The following MVB12B variants were observed in gnomAD, a reference collection of about 807,000 sequenced individuals.
The protein encoded by MVB12B is ESCRT-I complex subunit MVB12B.
In MVB12B, 16 loss-of-function variants were observed where a neutral mutation model predicts 41.6. The observed-to-expected ratio is 0.38, with a 90% CI of 0.26 to 0.58. MVB12B has a LOEUF of 0.58. Among genes scored for constraint, MVB12B ranks in the 20% least tolerant of loss-of-function variants. The pLI is 0.62. For missense variants in MVB12B, 274 were observed against 380.2 expected, an observed-to-expected ratio of 0.72 and a Z score of 2.32; for synonymous variants, 133 against 139.7, an observed-to-expected ratio of 0.95 and a Z score of 0.34.
At position 126,386,733 on chromosome 9, in the gene MVB12B, T is replaced by C; in HGVS notation, c.409+75T>C. The C allele has an allele frequency of 2.7e-6, 3 of 1,131,998 alleles. No homozygotes were observed. Among genetic ancestry groups the C allele is most frequent in the Non-Finnish European group, 3.9e-6 (3 of 760,700 alleles). The allele number at this position is 1,131,998 out of a possible 1,614,324, so 70.1% of individuals were successfully genotyped here. On this transcript the variant is annotated intron_variant, in intron 4 of 9. Transcript: ENST00000361171. The surrounding 1 kb of genome is among the most constrained non-coding windows in gnomAD (Gnocchi z 4.3). ...AGGTATATTTGTAGGTGTTTTTCTA[T>C]GTGCATTTTTCTTCAGAAACACTTT... is the stretch of plus-strand genomic sequence containing the variant.
intron 7 of MVB12B, among the ~76,000 whole-genome samples, chr9:126,448,752 T>C (rs1239797674): frequency 1.3e-5 from 2 of 151,694 alleles, no homozygotes; most frequent in Non-Finnish European, 2.9e-5. Flanking sequence ...GGGCAAGAAC[T>C]CACTTATTAC....
At chr9:126,413,891 CTA>C (rs140238252) in intron 6 of MVB12B, among the ~76,000 whole-genome samples, 9,086 of 150,136 alleles carry the variant, frequency 0.061, 306 homozygotes, top group Middle Eastern at 0.11. Context: ...GTGCCTCTGA[CTA>C]TGAGTGCGCC....
chr9:126,404,701 C>T (rs1040065368), intron 6 of MVB12B, among the ~76,000 whole-genome samples: 16 of 152,350 alleles, frequency 1.1e-4, no homozygotes, highest in African/African-American at 3.4e-4. Context: ...GCACTGTGGT[C>T]GCCGACTGAG....
intron 7 of MVB12B, among the ~76,000 whole-genome samples, chr9:126,426,512 C>T (rs1156833182): frequency 6.6e-6 from 1 of 152,126 alleles, no homozygotes; most frequent in Non-Finnish European, 1.5e-5. Context: ...TGTTACTTTT[C>T]TTAAGAACAT....
rs1323765735 is a variant in MVB12B, at chr9:126,376,194, T to C, written c.205-4870T>C. Among the ~76,000 whole-genome samples, 1 of 152,182 alleles carries C rather than the reference T, an allele frequency of 6.6e-6. No individual in the cohort carries two copies. The highest frequency in any genetic ancestry group is 1.5e-5 in the Non-Finnish European group (1 of 68,022). ...CCAGTGTTTACAGTTTCTAATCTCT[T>C]TATATTGTCCTCAAATTGTTCCTTT... On this transcript the variant is annotated intron_variant, in intron 2 of 9. Transcript: ENST00000361171. The surrounding 1 kb of genome is among the most constrained non-coding windows in gnomAD (Gnocchi z 4.1).
rs1258209740 is a variant in MVB12B, at chr9:126,326,844, G to GCCC, written c.-85_-84insCCC. On this transcript the variant is annotated 5_prime_UTR_variant, in exon 1 of 10. Coordinates refer to ENST00000361171, the MANE Select transcript of MVB12B (RefSeq NM_033446.3). ...CTCCGCCGCCGCCGCCGCCGCCGCC[G>GCCC]CTCTCGGTGAGGCTCGCGCTCGAGC... The GCCC allele has an allele frequency of 2.0e-4, 29 of 147,678 alleles. No homozygotes were observed. The highest frequency in any genetic ancestry group is 6.5e-4 in the African/African-American group (26 of 40,022). 9.1% of individuals were successfully genotyped at this position (147,678 alleles called of 1,614,324 possible).
chr9:126,497,539 C>G (rs1271635594), intron 9 of MVB12B, among the ~76,000 whole-genome samples: 3 of 152,262 alleles, frequency 2.0e-5, no homozygotes, highest in African/African-American at 7.2e-5. Context: ...CTCGGCTCCC[C>G]ACTCCTGACC....
At chr9:126,361,115 ATT>A (rs766382836) in intron 2 of MVB12B, among the ~76,000 whole-genome samples, 29 of 151,392 alleles carry the variant, frequency 1.9e-4, no homozygotes, top group Middle Eastern at 3.4e-3. Flanking sequence ...TGTTTAATTA[ATT>A]TTTTCCCATC....
At chr9:126,372,218 A>T (rs1248285294) in intron 2 of MVB12B, among the ~76,000 whole-genome samples, 2 of 152,238 alleles carry the variant, frequency 1.3e-5, no homozygotes, top group African/African-American at 2.4e-5. Flanking sequence ...TCAGTATACC[A>T]TTCCTTTTAT....
chr9:126,464,296 C>A (rs988944334), intron 7 of MVB12B, among the ~76,000 whole-genome samples: 15 of 152,172 alleles, frequency 9.9e-5, no homozygotes, highest in African/African-American at 3.6e-4. Context: ...CCAGGCTGAT[C>A]CCACAGCAAG....
intron 2 of MVB12B, among the ~76,000 whole-genome samples, chr9:126,357,631 C>G (rs1357440197): frequency 6.6e-6 from 1 of 150,976 alleles, no homozygotes; most frequent in Non-Finnish European, 1.5e-5. Flanking sequence ...ATTAGTATAA[C>G]TTCTTTGGTG....
intron 7 of MVB12B, among the ~76,000 whole-genome samples, chr9:126,456,350 T>C (rs1832985637): frequency 6.6e-6 from 1 of 152,240 alleles, no homozygotes; most frequent in Admixed American, 6.5e-5. Flanking sequence ...ATATGAAACA[T>C]TCAGGTGAAC....
intron 6 of MVB12B, chr9:126,397,316 CTG>C: frequency 1.0e-5 from 10 of 985,452 alleles, no homozygotes; most frequent in Non-Finnish European, 1.2e-5. Flanking sequence ...CTGCTGGTGA[CTG>C]TGAGAGCAAA....
intron 2 of MVB12B, among the ~76,000 whole-genome samples, chr9:126,378,597 C>CTCTCTCTCTCTCTT (rs762913419): frequency 4.0e-5 from 6 of 151,644 alleles, no homozygotes; most frequent in Admixed American, 3.9e-4. Context: ...TTAGGGGAGT[C>CTCTCTCTCTCTCTT]TCTCTCTCTC....
chr9:126,381,023 C>T, intron 2 of MVB12B, 41 bp from the exon 3 acceptor site: 1 of 1,563,870 alleles, frequency 6.4e-7, no homozygotes, highest in Non-Finnish European at 8.8e-7. Context: ...CAGTTCCTTC[C>T]TGCCTTACCT....
At chr9:126,411,420 C>T (rs551953232) in intron 6 of MVB12B, among the ~76,000 whole-genome samples, 15 of 152,258 alleles carry the variant, frequency 9.9e-5, no homozygotes, top group South Asian at 6.2e-4. Context: ...AAAAAAAGTG[C>T]GCTGAGTCAG....
rs2118783979 is a variant in MVB12B at position 126,331,183 on chromosome 9, C to T, written c.81+4173C>T. Among the ~76,000 whole-genome samples, 4 of 152,352 alleles carry T rather than the reference C, an allele frequency of 2.6e-5. No homozygotes were observed. In the Middle Eastern group the frequency reaches 0.014, roughly 518 times the overall value. On this transcript the variant is annotated intron_variant, in intron 1 of 9. Coordinates refer to ENST00000361171, the MANE Select transcript of MVB12B (RefSeq NM_033446.3). ...TATAATTTTCTGCGGAACCACCACA[C>T]TGTTTTCCATAACATAGTGGCTGTG... is the stretch of plus-strand genomic sequence containing the variant.
intron 2 of MVB12B, among the ~76,000 whole-genome samples, chr9:126,365,596 C>T (rs1248167072): frequency 6.6e-6 from 1 of 152,306 alleles, no homozygotes; most frequent in East Asian, 1.9e-4. Context: ...CTGCCTTGGC[C>T]TCCCAAAGTG....
rs777600173 is a variant in MVB12B at position 126,381,114 on chromosome 9, A to G, written c.255A>G (p.Leu85=). ...ATGCTGACCTCTGGAAAGACGGCTTATTTAAATCCAAGGTTACCAGATACC... is the reference window on the plus strand; with the variant it reads ...ATGCTGACCTCTGGAAAGACGGCTTGTTTAAATCCAAGGTTACCAGATACC... ...GVDADLWKDG[L]FKSKVTRYLC... Residue 85 remains leucine (L), a synonymous_variant, in exon 3 of 10, where the codon TTA becomes TTG. Coordinates refer to ENST00000361171, the MANE Select transcript of MVB12B (RefSeq NM_033446.3). 10 of 1,614,192 alleles carry G rather than the reference A, an allele frequency of 6.2e-6. No individual in the cohort carries two copies. Among genetic ancestry groups the G allele is most frequent in the Non-Finnish European group, 8.5e-6 (10 of 1,180,042 alleles).
Sources: gnomAD v4.1 joint callset for allele counts (sites outside exome capture counted in the v4.1 genomes callset) on GRCh38, gnomAD v4.1.1 for gene constraint, Gnocchi (gnomAD v3.1) non-coding constraint, MANE v1.5 for transcripts, NCBI Gene and HGNC (gene_info 2026-07-23, HGNC 2026-07-21) for gene names.